MARCHF11: variants seen among roughly 807,000 people sequenced by gnomAD.
MARCHF11 encodes membrane associated ring-CH-type finger 11.
In MARCHF11, 29 loss-of-function variants were observed where a neutral mutation model predicts 37.3. That is an observed-to-expected ratio of 0.78 (90% CI 0.58 to 1.06). The LOEUF (loss-of-function observed/expected upper bound fraction) is 1.06. MARCHF11 is among the 50% of genes least tolerant of loss of function. The pLI is 0.00. For synonymous variants in MARCHF11, 233 were observed against 228.0 expected (o/e 1.02, Z -0.20); for missense variants, 482 against 533.4 (o/e 0.90, Z 0.95).
intron 3 of MARCHF11, among the ~76,000 whole-genome samples, chr5:16,069,871 A>G (rs1034196112): frequency 2.2e-4 from 34 of 152,144 alleles, no homozygotes; most frequent in African/African-American, 8.2e-4. Flanking sequence ...GTCCTTGAAA[A>G]ATGACACCTA....
At chr5:16,162,277 A>T (rs925548743) in intron 2 of MARCHF11, among the ~76,000 whole-genome samples, 1 of 151,932 alleles carries the variant, frequency 6.6e-6, no homozygotes. Context: ...TCACTAGAAC[A>T]TGCTAGATAT....
chr5:16,127,386 C>T (rs773365160), intron 2 of MARCHF11, among the ~76,000 whole-genome samples: 1 of 152,110 alleles, frequency 6.6e-6, no homozygotes, highest in Non-Finnish European at 1.5e-5. Context: ...TTGGAGGCCC[C>T]AAGTTCCAGG....
intron 2 of MARCHF11, among the ~76,000 whole-genome samples, chr5:16,176,960 T>A (rs886329205): frequency 3.9e-5 from 6 of 152,238 alleles, no homozygotes; most frequent in Admixed American, 2.6e-4. Flanking sequence ...CCTTAAGATG[T>A]CATTCTTAAT....
intron 2 of MARCHF11, among the ~76,000 whole-genome samples, chr5:16,111,199 G>C (rs1560977726): frequency 6.6e-6 from 1 of 152,222 alleles, no homozygotes; most frequent in Non-Finnish European, 1.5e-5. Flanking sequence ...ACCTGAAAAT[G>C]TGGAAGCGAC....
intron 2 of MARCHF11, among the ~76,000 whole-genome samples, chr5:16,158,915 G>C (rs1245832801): frequency 6.6e-6 from 1 of 151,788 alleles, no homozygotes; most frequent in Non-Finnish European, 1.5e-5. Context: ...CCATCCATGT[G>C]TTCTCAACAA....
At chr5:16,141,327 TC>T (rs2126591813) in intron 2 of MARCHF11, 1 of 152,312 alleles carries the variant, frequency 6.6e-6, no homozygotes, top group East Asian at 1.9e-4. Flanking sequence ...AGAGAAGCTG[TC>T]CTCATCTGTC....
chr5:16,162,586 T>G (rs982170500), intron 2 of MARCHF11, among the ~76,000 whole-genome samples: 1 of 152,028 alleles, frequency 6.6e-6, no homozygotes, highest in African/African-American at 2.4e-5. Context: ...GCCCAATGTT[T>G]TTTTCTTATG....
chr5:16,115,784 T>C (rs556999888), intron 2 of MARCHF11, among the ~76,000 whole-genome samples: 171 of 152,154 alleles, frequency 1.1e-3, no homozygotes, highest in Middle Eastern at 3.4e-3. Context: ...CACGCCACCA[T>C]GCCTGGCTAA....
intron 2 of MARCHF11, among the ~76,000 whole-genome samples, chr5:16,162,836 A>G (rs1738104339): frequency 6.6e-6 from 1 of 152,074 alleles, no homozygotes; most frequent in South Asian, 2.1e-4. Flanking sequence ...TCCTGTTCTA[A>G]TAAGACTAGG....
At chr5:16,085,159 G>A (rs988402280) in intron 3 of MARCHF11, among the ~76,000 whole-genome samples, 1 of 152,016 alleles carries the variant, frequency 6.6e-6, no homozygotes, top group Non-Finnish European at 1.5e-5. Context: ...ACTAAAAAGA[G>A]ACAAACTAAG....
At chr5:16,090,429 T>C (rs1235173874) in intron 3 of MARCHF11, among the ~76,000 whole-genome samples, 1 of 152,174 alleles carries the variant, frequency 6.6e-6, no homozygotes, top group Non-Finnish European at 1.5e-5. Context: ...AAGGGGTCCC[T>C]TTCTGCCCTT....
At chr5:16,092,158 G>GTTTA (rs1289731331) in intron 2 of MARCHF11, among the ~76,000 whole-genome samples, 3 of 152,144 alleles carry the variant, frequency 2.0e-5, no homozygotes, top group African/African-American at 2.4e-5. Context: ...CAAATGGCAA[G>GTTTA]TTTATGACAC....
chr5:16,092,059 A>C (rs1736798171), intron 2 of MARCHF11, among the ~76,000 whole-genome samples: 4 of 152,202 alleles, frequency 2.6e-5, no homozygotes, highest in Admixed American at 2.6e-4. Context: ...AATCTTTAAA[A>C]AAATGAGCTT....
intron 2 of MARCHF11, among the ~76,000 whole-genome samples, chr5:16,151,649 A>ATATGTGTG (rs1491435333): frequency 9.9e-5 from 13 of 131,410 alleles, no homozygotes; most frequent in Non-Finnish European, 1.8e-4. Context: ...CGTGAGTTGA[A>ATATGTGTG]TGTGTGTGTG....
intron 2 of MARCHF11, among the ~76,000 whole-genome samples, chr5:16,154,250 G>A (rs1208324939): frequency 6.6e-6 from 1 of 151,916 alleles, no homozygotes; most frequent in Non-Finnish European, 1.5e-5. Context: ...GGAACTCACA[G>A]AATTCTGTAA....
intron 2 of MARCHF11, among the ~76,000 whole-genome samples, chr5:16,170,225 A>G (rs113821375): frequency 3.0e-4 from 46 of 152,320 alleles, no homozygotes; most frequent in African/African-American, 1.0e-3. Context: ...AATTATTCAA[A>G]TTCCCTGAAC....
chr5:16,169,224 G>A (rs1477325723), intron 2 of MARCHF11, among the ~76,000 whole-genome samples: 1 of 151,972 alleles, frequency 6.6e-6, no homozygotes, highest in African/African-American at 2.4e-5. Flanking sequence ...GGAGTGCCAG[G>A]AGGGTTCCTG....
intron 2 of MARCHF11, among the ~76,000 whole-genome samples, chr5:16,101,669 T>C (rs1427702204): frequency 6.6e-6 from 1 of 152,232 alleles, no homozygotes; most frequent in Non-Finnish European, 1.5e-5. Flanking sequence ...AACTAATTAG[T>C]AGGCGGTCAT....
chr5:16,138,193 C>T (rs1415740789), intron 2 of MARCHF11, among the ~76,000 whole-genome samples: 1 of 152,100 alleles, frequency 6.6e-6, no homozygotes, highest in Non-Finnish European at 1.5e-5. Context: ...GCCAGGAGGC[C>T]TAGGATGGAA....
Sources: allele counts gnomAD v4.1 joint callset (sites outside exome capture counted in the v4.1 genomes callset), GRCh38; gene constraint gnomAD v4.1.1; transcripts MANE v1.5; gene names NCBI Gene and HGNC (gene_info 2026-07-23, HGNC 2026-07-21).